The following FHDC1 variants were observed in gnomAD, a reference collection of about 807,000 sequenced individuals.
The protein encoded by FHDC1 is FH2 domain-containing protein 1.
Under a neutral mutation model 52.6 loss-of-function variants are expected in FHDC1, and 25 were observed. The ratio of observed to expected loss-of-function variants is 0.48; its 90% CI spans 0.35 to 0.66. The LOEUF (loss-of-function observed/expected upper bound fraction) is 0.66, where lower values mean the gene tolerates loss of function less well. FHDC1 is among the 30% of genes least tolerant of loss of function. The probability of loss-of-function intolerance (pLI) is 0.01; values close to 1 mark genes in which losing one functional copy is unlikely to be tolerated. For missense variants in FHDC1, 1,459 were observed against 1,452.8 expected (o/e 1.00, Z -0.07); for synonymous variants, 616 against 581.5 (o/e 1.06, Z -0.85).
intron 10 of FHDC1, 55 bp downstream of exon 10, chr4:152,968,152 G>T: frequency 7.5e-7 from 1 of 1,327,142 alleles, no homozygotes; most frequent in Non-Finnish European, 1.1e-6. Context: ...CAGCACCCCG[G>T]GGCTGGTTAA....
At chr4:152,913,577 C>T in the FHDC1 span, among the ~76,000 whole-genome samples, 4 of 152,184 alleles carry the variant, frequency 2.6e-5, no homozygotes, top group African/African-American at 9.7e-5. Flanking sequence ...TACCTATTTG[C>T]AATAGTCCTA....
rs1240340711 is a variant in FHDC1, at chr4:152,937,252, A to T, written c.-131+843A>T. 4.6e-5 allele frequency among the ~76,000 whole-genome samples: 7 copies of T among 152,178 alleles called. No individual in the cohort carries two copies. The East Asian group carries it at 1.4e-3, about 30-fold the overall frequency. ...CGACCTGGATGGGGGACGTGGGAAG[A>T]TGTCGCGGCGGAGGCTCCGGGTGGG... On this transcript the variant is annotated intron_variant, in intron 1 of 11. Coordinates refer to ENST00000511601, the MANE Select transcript of FHDC1 (RefSeq NM_001371116.1).
In FHDC1 at chr4:152,978,771, T is replaced by C. The variant is rs970112351; in HGVS notation, c.*2048T>C. 3 of 152,202 alleles carry C rather than the reference T, an allele frequency of 2.0e-5. No homozygotes were observed. The South Asian group carries it at 6.2e-4, about 32-fold the overall frequency. 9.4% of individuals were successfully genotyped at this position (152,202 alleles called of 1,614,324 possible). On this transcript the variant is annotated 3_prime_UTR_variant, in exon 12 of 12. Transcript: ENST00000511601. ...TGTGGGGAATCCACGTGGTTGACGTTAGAACCTCCCTTCTGCAGACTGTTG... is the reference window on the plus strand; with the variant it reads ...TGTGGGGAATCCACGTGGTTGACGTCAGAACCTCCCTTCTGCAGACTGTTG...
chr4:152,924,623 G>A, the FHDC1 span, among the ~76,000 whole-genome samples: 1 of 152,070 alleles, frequency 6.6e-6, no homozygotes, highest in African/African-American at 2.4e-5. Context: ...ATGTCCAACA[G>A]TGATAGACTG....
chr4:152,950,383 C>G (rs893803333), intron 2 of FHDC1, among the ~76,000 whole-genome samples: 8 of 152,200 alleles, frequency 5.3e-5, no homozygotes, highest in African/African-American at 1.7e-4. Flanking sequence ...TCTGAGGATG[C>G]CGGGAGCGAG....
At chr4:152,950,656 G>A (rs936583983) in intron 2 of FHDC1, among the ~76,000 whole-genome samples, 3 of 152,212 alleles carry the variant, frequency 2.0e-5, no homozygotes, top group Non-Finnish European at 4.4e-5. Context: ...CTTGCCTGGG[G>A]AGAACATGAT....
At chr4:152,964,796 T>A (rs1231127455) in intron 8 of FHDC1, 109 bp from the exon 9 acceptor site, 3 of 853,076 alleles carry the variant, frequency 3.5e-6, no homozygotes, top group Non-Finnish European at 5.6e-6. Flanking sequence ...TTTGAATGTG[T>A]CAAGTTTAAA....
intron 8 of FHDC1, 38 bp from the exon 9 acceptor site, chr4:152,964,867 T>C: frequency 1.9e-6 from 3 of 1,538,646 alleles, no homozygotes; most frequent in Non-Finnish European, 2.7e-6. Flanking sequence ...CTTCCAGTTT[T>C]ATCAACATAG....
intron 4 of FHDC1, among the ~76,000 whole-genome samples, chr4:152,955,010 T>A (rs1306903742): frequency 6.6e-6 from 1 of 152,168 alleles, no homozygotes; most frequent in African/African-American, 2.4e-5. Flanking sequence ...CAATAAATTC[T>A]CATCATCCAA....
At chr4:152,942,204 A>G (rs1452192371) in intron 1 of FHDC1, among the ~76,000 whole-genome samples, 1 of 152,220 alleles carries the variant, frequency 6.6e-6, no homozygotes, top group Non-Finnish European at 1.5e-5. Context: ...ATCTAAGATG[A>G]TAGAGGTCAT....
At chr4:152,938,624 G>T (rs1490089026) in intron 1 of FHDC1, among the ~76,000 whole-genome samples, 1 of 152,142 alleles carries the variant, frequency 6.6e-6, no homozygotes, top group African/African-American at 2.4e-5. Flanking sequence ...CTCTACCTCT[G>T]CTCTCCAAAC....
rs1008699950 is a variant in FHDC1, at chr4:152,979,576, A to G, written c.*2853A>G. On this transcript the variant is annotated 3_prime_UTR_variant, in exon 12 of 12. Transcript: ENST00000511601. Reference sequence around the variant, plus strand: ...AATGGAGAAATGTAAATAAGTATCTATGTAAATTTGTTTAAAATAAACTGA... The same window carrying G: ...AATGGAGAAATGTAAATAAGTATCTGTGTAAATTTGTTTAAAATAAACTGA... The G allele has an allele frequency of 3.9e-5, 6 of 152,238 alleles. No homozygotes were observed. The highest frequency in any genetic ancestry group is 1.2e-4 in the African/African-American group (5 of 41,470). 9.4% of individuals were successfully genotyped at this position (152,238 alleles called of 1,614,324 possible).
In FHDC1 at chr4:152,952,030, A is replaced by AAAAC. The variant is rs368536866; in HGVS notation, c.499-1449_499-1446dup. Among the ~76,000 whole-genome samples, 932 of 152,272 alleles carry AAAAC rather than the reference A, an allele frequency of 6.1e-3. 9 individuals carry two copies. Among genetic ancestry groups the AAAAC allele is most frequent in the African/African-American group, 0.021 (876 of 41,526 alleles). On this transcript the variant is annotated intron_variant, in intron 2 of 11. Coordinates refer to ENST00000511601, the MANE Select transcript of FHDC1 (RefSeq NM_001371116.1). ...TGATTCCAGAGATCAGAAAAATGCA[A>AAAAC]AAACAAACAAACAAACAAACAAAAA...
intron 1 of FHDC1, among the ~76,000 whole-genome samples, chr4:152,941,126 TG>T (rs1227600306): frequency 6.6e-6 from 1 of 152,236 alleles, no homozygotes; most frequent in Non-Finnish European, 1.5e-5. Flanking sequence ...AATTAATAGC[TG>T]GAGATGCCAT....
intron 11 of FHDC1, among the ~76,000 whole-genome samples, chr4:152,973,194 T>G (rs945728314): frequency 1.3e-5 from 2 of 152,244 alleles, no homozygotes; most frequent in African/African-American, 4.8e-5. Flanking sequence ...AGTAAAACTT[T>G]AATTCATCAA....
At chr4:152,962,668 A>G in intron 6 of FHDC1, 146 bp from the exon 7 acceptor site, 1 of 634,916 alleles carries the variant, frequency 1.6e-6, no homozygotes, top group South Asian at 1.9e-5. Flanking sequence ...CATAGAATGT[A>G]TTGCTTTGTT....
At chr4:152,938,810 C>A (rs777735818) in intron 1 of FHDC1, among the ~76,000 whole-genome samples, 5 of 152,104 alleles carry the variant, frequency 3.3e-5, no homozygotes, top group Non-Finnish European at 7.3e-5. Context: ...AGCACCAAGA[C>A]CCTCATTCTG....
At chr4:152,953,869 T>A (rs1161560503) in intron 3 of FHDC1, among the ~76,000 whole-genome samples, 7 of 152,228 alleles carry the variant, frequency 4.6e-5, no homozygotes, top group Non-Finnish European at 7.3e-5. Flanking sequence ...CAAATAGCGG[T>A]CAGAGTTTTG....
chr4:152,943,411 C>G lies in FHDC1; in HGVS notation c.354C>G (p.Thr118=), dbSNP rs1211739876. Residue 118 remains threonine (T), a synonymous_variant, in exon 2 of 12, where the codon ACC becomes ACG. Coordinates refer to ENST00000511601, the MANE Select transcript of FHDC1 (RefSeq NM_001371116.1). ...TTCGAGGCAAAACCAACATCTGGACCTTGGCAGCCAGGCAGGAACATCACT... is the reference window on the plus strand; with the variant it reads ...TTCGAGGCAAAACCAACATCTGGACGTTGGCAGCCAGGCAGGAACATCACT... The part of the protein sequence containing the change: ...EQVRGKTNIW[T]LAARQEHHYQ... The G allele has an allele frequency of 6.2e-7, 1 of 1,614,126 alleles. No homozygotes were observed. Among genetic ancestry groups the G allele is most frequent in the Non-Finnish European group, 8.5e-7 (1 of 1,180,028 alleles).
Sources: allele counts gnomAD v4.1 joint callset (sites outside exome capture counted in the v4.1 genomes callset), GRCh38; gene constraint gnomAD v4.1.1; transcripts MANE v1.5; gene names NCBI Gene and HGNC (gene_info 2026-07-23, HGNC 2026-07-21).